CCSER1: variants seen among roughly 807,000 people sequenced by gnomAD.
The protein encoded by CCSER1 is serine-rich coiled-coil domain-containing protein 1.
Under a neutral mutation model 82.0 loss-of-function variants are expected in CCSER1, and 41 were observed. That is an observed-to-expected ratio of 0.50 (90% confidence interval 0.39 to 0.65). CCSER1 has a LOEUF of 0.65. Among genes scored for constraint, CCSER1 ranks in the 30% least tolerant of loss-of-function variants. The pLI, the probability that CCSER1 is intolerant of heterozygous loss-of-function variation, is 0.00. For missense variants in CCSER1, 1,119 were observed against 1,064.2 expected (o/e 1.05, Z -0.72); for synonymous variants, 414 against 383.9 (o/e 1.08, Z -0.92).
Position 91,545,404 on chromosome 4 carries a change from C to A in CCSER1, c.2218-53168C>A, listed in dbSNP as rs540882555. On this transcript the variant is annotated intron_variant, in intron 10 of 10. Transcript: ENST00000509176. ...CAGAAATCACCCATCTTCTGTGTCG[C>A]TTACACTGGGAGCTGTAGACTGGAG... is the stretch of plus-strand genomic sequence containing the variant. 1.2e-4 allele frequency among the ~76,000 whole-genome samples: 19 copies of A among 152,282 alleles called. No homozygotes were observed. The East Asian group carries it at 3.7e-3, about 30-fold the overall frequency.
At chr4:90,923,031 C>A (rs1269656010) in intron 8 of CCSER1, among the ~76,000 whole-genome samples, 1 of 151,994 alleles carries the variant, frequency 6.6e-6, no homozygotes, top group Non-Finnish European at 1.5e-5. Flanking sequence ...GAAACTGGAT[C>A]AGCAAAATAA....
intron 4 of CCSER1, among the ~76,000 whole-genome samples, chr4:90,424,194 A>T (rs1757198752): frequency 6.6e-6 from 1 of 150,508 alleles, no homozygotes; most frequent in African/African-American, 2.5e-5. Context: ...TTTTTTCTTT[A>T]AAGAGGTACA....
chr4:91,442,659 A>G (rs1475998298), intron 10 of CCSER1, among the ~76,000 whole-genome samples: 1 of 136,134 alleles, frequency 7.3e-6, no homozygotes, highest in Non-Finnish European at 1.6e-5. Flanking sequence ...GCACAGCAAA[A>G]GAAACTACCA....
At chr4:90,324,534 A>G (rs1737780296) in intron 3 of CCSER1, among the ~76,000 whole-genome samples, 1 of 149,656 alleles carries the variant, frequency 6.7e-6, no homozygotes, top group South Asian at 2.2e-4. Context: ...TTTTTCTTGT[A>G]AATTTGTTTG....
chr4:91,141,790 T>C (rs1286372828), intron 10 of CCSER1, among the ~76,000 whole-genome samples: 1 of 152,158 alleles, frequency 6.6e-6, no homozygotes, highest in Non-Finnish European at 1.5e-5. Context: ...CACCAACAGT[T>C]GTTTTTGGCC....
At position 90,780,531 on chromosome 4, in the gene CCSER1, C is replaced by G. The variant is rs890335209; in HGVS notation, c.2011-35231C>G. On this transcript the variant is annotated intron_variant, in intron 7 of 10. Transcript: ENST00000509176. ...CCTAGATGATCCACCATGACTTATT[C>G]AAAAGTTGAAGATGAAAGGAAAGAA... 1.9e-6 allele frequency: 3 copies of G among 1,588,470 alleles called. No individual in the cohort carries two copies. The African/African-American group carries it at 4.1e-5, about 22-fold the overall frequency.
intron 6 of CCSER1, among the ~76,000 whole-genome samples, chr4:90,638,242 A>C (rs948425798): frequency 8.5e-5 from 13 of 152,278 alleles, no homozygotes; most frequent in African/African-American, 3.1e-4. Context: ...TTAAGATAAT[A>C]ATTTTTTTTA....
intron 10 of CCSER1, among the ~76,000 whole-genome samples, chr4:91,389,017 TC>T (rs1367841679): frequency 6.6e-6 from 1 of 152,046 alleles, no homozygotes; most frequent in Non-Finnish European, 1.5e-5. Context: ...TACAAATACT[TC>T]CTCACAGTTT....
At chr4:90,243,681 T>A (rs1342677841) in intron 1 of CCSER1, among the ~76,000 whole-genome samples, 1 of 152,112 alleles carries the variant, frequency 6.6e-6, no homozygotes, top group Non-Finnish European at 1.5e-5. Flanking sequence ...TGCCACCATA[T>A]CAGCCCTCAG....
At chr4:90,326,220 G>T (rs945876172) in intron 3 of CCSER1, among the ~76,000 whole-genome samples, 1 of 151,692 alleles carries the variant, frequency 6.6e-6, no homozygotes, top group Admixed American at 6.6e-5. Flanking sequence ...CACCACGCCC[G>T]GCTAATTTTT....
At chr4:90,850,215 A>T (rs191956726) in intron 8 of CCSER1, among the ~76,000 whole-genome samples, 153 of 152,318 alleles carry the variant, frequency 1.0e-3, no homozygotes, top group Middle Eastern at 6.8e-3. Context: ...GGATGTATGG[A>T]AACACCTGGA....
chr4:90,900,420 T>G (rs1252504781), intron 8 of CCSER1, among the ~76,000 whole-genome samples: 1 of 151,992 alleles, frequency 6.6e-6, no homozygotes, highest in Non-Finnish European at 1.5e-5. Flanking sequence ...ACATTTTATT[T>G]CGTTTGAAAT....
chr4:90,359,646 A>C (rs1357816371), intron 3 of CCSER1, among the ~76,000 whole-genome samples: 2 of 152,076 alleles, frequency 1.3e-5, no homozygotes, highest in Admixed American at 6.5e-5. Flanking sequence ...GCTAAGGCAG[A>C]GAATTGCTTA....
At chr4:91,023,325 C>A (rs978182308) in intron 9 of CCSER1, among the ~76,000 whole-genome samples, 2 of 152,012 alleles carry the variant, frequency 1.3e-5, no homozygotes, top group African/African-American at 4.8e-5. Flanking sequence ...TCATATGGAA[C>A]CAAAAAAGAG....
intron 10 of CCSER1, among the ~76,000 whole-genome samples, chr4:91,279,814 T>C (rs996315318): frequency 6.6e-6 from 1 of 152,156 alleles, no homozygotes; most frequent in Non-Finnish European, 1.5e-5. Flanking sequence ...TTCCTTGCTT[T>C]TTCATGTCTC....
chr4:90,674,892 G>C (rs1001533272), intron 6 of CCSER1, among the ~76,000 whole-genome samples: 1 of 151,854 alleles, frequency 6.6e-6, no homozygotes, highest in African/African-American at 2.4e-5. Context: ...TCCTGACCCA[G>C]GAGGAAAGTA....
chr4:90,137,722 T>G (rs1395927104), intron 1 of CCSER1, among the ~76,000 whole-genome samples: 3 of 152,236 alleles, frequency 2.0e-5, no homozygotes, highest in African/African-American at 4.8e-5. Flanking sequence ...CACAGTCACC[T>G]TTGACGCAGA....
At chr4:90,810,521 T>C (rs1758117709) in intron 7 of CCSER1, among the ~76,000 whole-genome samples, 1 of 151,838 alleles carries the variant, frequency 6.6e-6, no homozygotes, top group Non-Finnish European at 1.5e-5. Context: ...TGGTGGCACG[T>C]GCCTGTAATC....
At chr4:91,292,216 C>A (rs1336122971) in intron 10 of CCSER1, among the ~76,000 whole-genome samples, 1 of 152,052 alleles carries the variant, frequency 6.6e-6, no homozygotes, top group South Asian at 2.1e-4. Flanking sequence ...AGCTAGAGAA[C>A]TGGGTATTTG....
Sources: gnomAD v4.1 joint callset for allele counts (sites outside exome capture counted in the v4.1 genomes callset) on GRCh38, gnomAD v4.1.1 for gene constraint, MANE v1.5 for transcripts, NCBI Gene and HGNC (gene_info 2026-07-23, HGNC 2026-07-21) for gene names.